The following FHIT variants were observed in gnomAD, a reference collection of about 807,000 sequenced individuals.
FHIT encodes fragile histidine triad diadenosine triphosphatase.
In FHIT, 19 loss-of-function variants were observed where a neutral mutation model predicts 17.9. The observed-to-expected ratio is 1.06, with a 90% CI of 0.74 to 1.56. FHIT has a LOEUF of 1.56. FHIT is among the 40% of genes most tolerant of loss of function. FHIT has a pLI of 0.00. For synonymous variants in FHIT, 81 were observed against 69.7 expected (o/e 1.16, Z -0.81); for missense variants, 248 against 189.2 (o/e 1.31, Z -1.82).
At chr3:59,916,218 T>A (rs1705127967) in intron 8 of FHIT, among the ~76,000 whole-genome samples, 1 of 152,168 alleles carries the variant, frequency 6.6e-6, no homozygotes, top group Non-Finnish European at 1.5e-5. Flanking sequence ...GGCCTTCATC[T>A]TTCCCCTGTG....
chr3:60,201,861 A>T (rs1470004170), intron 5 of FHIT, among the ~76,000 whole-genome samples: 34 of 143,074 alleles, frequency 2.4e-4, no homozygotes, highest in Admixed American at 2.3e-3. Context: ...AAAAAAAAAA[A>T]TAGAATGCTT....
chr3:59,999,104 G>A (rs1186014693), intron 7 of FHIT, among the ~76,000 whole-genome samples: 1 of 152,044 alleles, frequency 6.6e-6, no homozygotes, highest in Non-Finnish European at 1.5e-5. Flanking sequence ...TGATGTCCCT[G>A]ACTCGGGTTT....
In FHIT at chr3:60,240,529, G is replaced by A. The variant is rs534450948; in HGVS notation, c.104-226377C>T. 9.2e-5 allele frequency among the ~76,000 whole-genome samples: 14 copies of A among 152,156 alleles called. No homozygotes were observed. The East Asian group carries it at 2.7e-3, about 29-fold the overall frequency. ...TGTTGTTTGAGCTCACACATAACGA[G>A]AAAAAACATCACGGAAGCACAAATA... is the stretch of plus-strand genomic sequence containing the variant. On this transcript the variant is annotated intron_variant, in intron 5 of 9. Coordinates refer to ENST00000492590, the MANE Select transcript of FHIT (RefSeq NM_002012.4).
intron 5 of FHIT, among the ~76,000 whole-genome samples, chr3:60,263,972 T>C (rs1706439404): frequency 6.6e-6 from 1 of 151,858 alleles, no homozygotes; most frequent in Admixed American, 6.6e-5. Flanking sequence ...TTACCAATCA[T>C]CTTAAATATT....
At chr3:60,157,499 G>A (rs998596335) in intron 5 of FHIT, among the ~76,000 whole-genome samples, 1 of 152,078 alleles carries the variant, frequency 6.6e-6, no homozygotes, top group Non-Finnish European at 1.5e-5. Context: ...AATAATAATA[G>A]CTCTTGTATT....
intron 4 of FHIT, among the ~76,000 whole-genome samples, chr3:60,710,174 T>A (rs1260645210): frequency 6.6e-6 from 1 of 152,116 alleles, no homozygotes; most frequent in Non-Finnish European, 1.5e-5. Context: ...GACTTTTTAT[T>A]TTTTTTAACC....
At chr3:60,006,475 T>C (rs1404567856) in intron 7 of FHIT, among the ~76,000 whole-genome samples, 1 of 152,088 alleles carries the variant, frequency 6.6e-6, no homozygotes, top group Non-Finnish European at 1.5e-5. Context: ...TTAAGAAACA[T>C]GTACGAGGTC....
chr3:59,895,814 A>G (rs17061398), intron 8 of FHIT, among the ~76,000 whole-genome samples: 2,248 of 152,290 alleles, frequency 0.015, 66 homozygotes, highest in African/African-American at 0.051. Context: ...AAACTTGCTA[A>G]CATCCTCACG....
chr3:60,989,999 C>T (rs895172935), intron 3 of FHIT, among the ~76,000 whole-genome samples: 2 of 152,134 alleles, frequency 1.3e-5, no homozygotes, highest in African/African-American at 4.8e-5. Flanking sequence ...CTTTACCACT[C>T]CTAGCCTCAA....
At chr3:60,875,264 T>C (rs1243772210) in intron 3 of FHIT, among the ~76,000 whole-genome samples, 6 of 152,192 alleles carry the variant, frequency 3.9e-5, no homozygotes, top group East Asian at 1.9e-4. Context: ...TTCTGTACCA[T>C]GTGTGTAGAT....
At chr3:60,704,187 A>C (rs1011371470) in intron 4 of FHIT, among the ~76,000 whole-genome samples, 2 of 152,136 alleles carry the variant, frequency 1.3e-5, no homozygotes, top group Admixed American at 1.3e-4. Context: ...AAACAAACCA[A>C]AGCAAATGTT....
At chr3:61,095,782 G>T (rs1221475771) in intron 2 of FHIT, among the ~76,000 whole-genome samples, 1 of 152,188 alleles carries the variant, frequency 6.6e-6, no homozygotes, top group Non-Finnish European at 1.5e-5. Context: ...TCTCTTCAGG[G>T]TATCACTCCT....
Position 60,517,439 on chromosome 3 carries a change from T to C in FHIT, c.103+19421A>G, listed in dbSNP as rs191651065. Among the ~76,000 whole-genome samples, 102 of 152,112 alleles carry C rather than the reference T, an allele frequency of 6.7e-4. No individual in the cohort carries two copies. In the East Asian group the frequency reaches 0.019, roughly 29 times the overall value. On this transcript the variant is annotated intron_variant, in intron 5 of 9. Transcript: ENST00000492590. ...AGCATCGGAATCATAGGATACTAAG[T>C]AGCTACTTCCTCTGTCTCTCTACAC...
intron 2 of FHIT, among the ~76,000 whole-genome samples, chr3:61,116,717 T>C (rs1411867990): frequency 1.3e-5 from 2 of 152,140 alleles, no homozygotes; most frequent in Non-Finnish European, 2.9e-5. Flanking sequence ...GCACCATAAT[T>C]TGAAGCCAGA....
At chr3:60,602,790 C>T (rs2038487286) in intron 4 of FHIT, among the ~76,000 whole-genome samples, 1 of 152,042 alleles carries the variant, frequency 6.6e-6, no homozygotes, top group African/African-American at 2.4e-5. Context: ...CATGAGGGCT[C>T]CATTCTCATG....
At chr3:60,267,968 T>C (rs771704494) in intron 5 of FHIT, among the ~76,000 whole-genome samples, 2 of 152,214 alleles carry the variant, frequency 1.3e-5, no homozygotes, top group African/African-American at 2.4e-5. Flanking sequence ...CTCTCTTACA[T>C]GCACTAAAAA....
At chr3:60,111,440 T>A (rs1453966975) in intron 5 of FHIT, among the ~76,000 whole-genome samples, 2 of 152,190 alleles carry the variant, frequency 1.3e-5, no homozygotes, top group Non-Finnish European at 2.9e-5. Flanking sequence ...ACCACTGATA[T>A]ATAATAGACT....
At chr3:61,037,133 G>T (rs759223785) in intron 3 of FHIT, among the ~76,000 whole-genome samples, 1 of 151,988 alleles carries the variant, frequency 6.6e-6, no homozygotes, top group African/African-American at 2.4e-5. Context: ...GGATGGTCTC[G>T]ATCTCCTGAC....
chr3:59,831,701 C>T (rs534641395), intron 8 of FHIT, among the ~76,000 whole-genome samples: 2 of 152,178 alleles, frequency 1.3e-5, no homozygotes, highest in East Asian at 3.9e-4. Flanking sequence ...TGCCCTGCCT[C>T]CTGAATGAGA....
Sources: allele counts gnomAD v4.1 joint callset (sites outside exome capture counted in the v4.1 genomes callset), GRCh38; gene constraint gnomAD v4.1.1; transcripts MANE v1.5; gene names NCBI Gene and HGNC (gene_info 2026-07-23, HGNC 2026-07-21).